The following MEOX2 variants were observed in gnomAD, a reference collection of about 807,000 sequenced individuals.
The protein encoded by MEOX2 is mesenchyme homeobox 2.
MEOX2 carries 11 observed loss-of-function variants against 27.0 expected under a neutral mutation model. That is an observed-to-expected ratio of 0.41 (90% CI 0.26 to 0.68). The LOEUF (loss-of-function observed/expected upper bound fraction) is 0.68, where lower values mean the gene tolerates loss of function less well. Ranked by LOEUF, MEOX2 falls within the 30% of genes least tolerant of loss-of-function variation. MEOX2 has a pLI of 0.33. For synonymous variants in MEOX2, 189 were observed against 155.4 expected (o/e 1.22, Z -1.61); for missense variants, 436 against 385.4 (o/e 1.13, Z -1.10).
chr7:15,629,972 A>G (rs1313253063), intron 1 of MEOX2, among the ~76,000 whole-genome samples: 1 of 151,928 alleles, frequency 6.6e-6, no homozygotes, highest in African/African-American at 2.4e-5. Flanking sequence ...AACCTCCCAT[A>G]TCCTATGCCA....
At chr7:15,665,788 C>A (rs943696578) in intron 1 of MEOX2, among the ~76,000 whole-genome samples, 1 of 152,138 alleles carries the variant, frequency 6.6e-6, no homozygotes, top group East Asian at 1.9e-4. Context: ...TATCTTTACC[C>A]TTATTGCTGA....
At chr7:15,672,693 C>A (rs1198982115) in intron 1 of MEOX2, among the ~76,000 whole-genome samples, 1 of 151,916 alleles carries the variant, frequency 6.6e-6, no homozygotes. Flanking sequence ...GAGATCAAGA[C>A]CATCCTGGCT....
intron 2 of MEOX2, among the ~76,000 whole-genome samples, chr7:15,625,475 T>A (rs1781289057): frequency 6.6e-6 from 1 of 152,168 alleles, no homozygotes; most frequent in African/African-American, 2.4e-5. Flanking sequence ...TACCCATAAA[T>A]AACCTACCAA....
intron 2 of MEOX2, among the ~76,000 whole-genome samples, chr7:15,614,214 T>TAAAAC (rs1395389790): frequency 1.4e-4 from 2 of 14,472 alleles, no homozygotes; most frequent in Non-Finnish European, 2.8e-4. Context: ...TAAAATAAAA[T>TAAAAC]AAAATAAAAT....
intron 1 of MEOX2, among the ~76,000 whole-genome samples, chr7:15,641,300 G>T (rs905274942): frequency 3.3e-5 from 5 of 152,048 alleles, no homozygotes; most frequent in African/African-American, 7.2e-5. Context: ...TATGTTTAGG[G>T]TAGTTAAATC....
chr7:15,643,029 G>A (rs1370522932), intron 1 of MEOX2, among the ~76,000 whole-genome samples: 1 of 152,152 alleles, frequency 6.6e-6, no homozygotes, highest in Non-Finnish European at 1.5e-5. Context: ...TCCTCCCTGT[G>A]CAGTTCTGTC....
intron 1 of MEOX2, among the ~76,000 whole-genome samples, chr7:15,651,914 A>G (rs902834431): frequency 2.6e-5 from 4 of 152,044 alleles, no homozygotes; most frequent in African/African-American, 9.7e-5. Flanking sequence ...ATTACTTAGT[A>G]ATTTCACTTC....
At chr7:15,645,878 T>A (rs1352802252) in intron 1 of MEOX2, among the ~76,000 whole-genome samples, 1 of 152,180 alleles carries the variant, frequency 6.6e-6, no homozygotes, top group Non-Finnish European at 1.5e-5. Context: ...AGCATTTGTG[T>A]GTGCATATGT....
At chr7:15,685,248 A>T (rs1782359015) in intron 1 of MEOX2, among the ~76,000 whole-genome samples, 1 of 152,216 alleles carries the variant, frequency 6.6e-6, no homozygotes, top group African/African-American at 2.4e-5. Context: ...TCTCTGACAC[A>T]TTCCTTAAAA....
chr7:15,651,810 C>T (rs748048434), intron 1 of MEOX2, among the ~76,000 whole-genome samples: 50 of 151,970 alleles, frequency 3.3e-4, no homozygotes, highest in Non-Finnish European at 6.5e-4. Flanking sequence ...TGGCTTCTAC[C>T]TTCCCTACTG....
At chr7:15,635,514 G>A (rs926141974) in intron 1 of MEOX2, among the ~76,000 whole-genome samples, 1 of 151,914 alleles carries the variant, frequency 6.6e-6, no homozygotes, top group Non-Finnish European at 1.5e-5. Flanking sequence ...AGTGAAGAGG[G>A]TTAAATTAAG....
chr7:15,652,256 C>T (rs1244747907), intron 1 of MEOX2, among the ~76,000 whole-genome samples: 2 of 152,006 alleles, frequency 1.3e-5, no homozygotes, highest in African/African-American at 4.8e-5. Context: ...TTTTGAGATG[C>T]CTCTTTAGAA....
At chr7:15,675,030 CA>C (rs745567278) in intron 1 of MEOX2, among the ~76,000 whole-genome samples, 71 of 151,736 alleles carry the variant, frequency 4.7e-4, no homozygotes, top group Middle Eastern at 6.8e-3. Context: ...TATCCAAACA[CA>C]AAAAAAGGCA....
chr7:15,654,084 C>T (rs774248320), intron 1 of MEOX2, among the ~76,000 whole-genome samples: 10 of 151,924 alleles, frequency 6.6e-5, no homozygotes, highest in Non-Finnish European at 1.3e-4. Flanking sequence ...TGATTTCCTT[C>T]AGCATTTTGT....
intron 1 of MEOX2, chr7:15,676,114 TA>T (rs1782187918): frequency 6.6e-6 from 1 of 152,200 alleles, no homozygotes; most frequent in Admixed American, 6.5e-5. Flanking sequence ...GAGAGGTGAC[TA>T]AACTGAGTCA....
At chr7:15,661,652 A>C (rs1045991769) in intron 1 of MEOX2, among the ~76,000 whole-genome samples, 6 of 152,210 alleles carry the variant, frequency 3.9e-5, no homozygotes, top group African/African-American at 1.4e-4. Flanking sequence ...TTTTATGGCA[A>C]GGCAAACACA....
intron 1 of MEOX2, among the ~76,000 whole-genome samples, chr7:15,633,326 G>A (rs1781430780): frequency 1.3e-5 from 2 of 151,920 alleles, no homozygotes; most frequent in South Asian, 4.1e-4. Context: ...AAATGGCCTG[G>A]AATTACATGG....
intron 2 of MEOX2, among the ~76,000 whole-genome samples, chr7:15,618,912 A>G (rs1437382494): frequency 6.6e-6 from 1 of 152,008 alleles, no homozygotes; most frequent in African/African-American, 2.4e-5. Context: ...AAATTTAAAA[A>G]TATACGTTCA....
At chr7:15,613,960 C>A (rs1167526177) in intron 2 of MEOX2, among the ~76,000 whole-genome samples, 1 of 151,882 alleles carries the variant, frequency 6.6e-6, no homozygotes, top group South Asian at 2.1e-4. Context: ...TATCTATCTT[C>A]TCTCAATGTA....
Sources: gnomAD v4.1 joint callset for allele counts (sites outside exome capture counted in the v4.1 genomes callset) on GRCh38, gnomAD v4.1.1 for gene constraint, MANE v1.5 for transcripts, NCBI Gene and HGNC (gene_info 2026-07-23, HGNC 2026-07-21) for gene names.